Variants in TTC29 observed in about 807,000 individuals in gnomAD.
TTC29 encodes tetratricopeptide repeat protein 29.
TTC29 carries 49 observed loss-of-function variants against 58.1 expected under a neutral mutation model. The ratio of observed to expected loss-of-function variants is 0.84; its 90% CI spans 0.67 to 1.07. The LOEUF (loss-of-function observed/expected upper bound fraction) is 1.07, where lower values mean the gene tolerates loss of function less well. TTC29 is among the 50% of genes least tolerant of loss of function. TTC29 has a pLI of 0.00. For missense variants in TTC29, 582 were observed against 555.6 expected (o/e 1.05, Z -0.48); for synonymous variants, 209 against 196.8 (o/e 1.06, Z -0.52).
intron 7 of TTC29, among the ~76,000 whole-genome samples, chr4:146,873,471 T>C (rs1731066361): frequency 6.6e-6 from 1 of 152,196 alleles, no homozygotes; most frequent in South Asian, 2.1e-4. Flanking sequence ...CTTGACAGGC[T>C]CTGACTGTTG....
rs184426656 is a variant in TTC29, at chr4:146,742,987, A to G, written c.1331-35436T>C. ...GAAAAATCCTCAGATAGGACTTTTTAAAGCAAAAGCATCAGCTAACTTGTT... is the reference window on the plus strand; with the variant it reads ...GAAAAATCCTCAGATAGGACTTTTTGAAGCAAAAGCATCAGCTAACTTGTT... On this transcript the variant is annotated intron_variant, in intron 11 of 12. Transcript: ENST00000325106. 7.9e-5 allele frequency among the ~76,000 whole-genome samples: 12 copies of G among 152,252 alleles called. No homozygotes were observed. In the East Asian group the frequency reaches 2.3e-3, roughly 29 times the overall value.
intron 11 of TTC29, among the ~76,000 whole-genome samples, chr4:146,748,211 C>A (rs899514517): frequency 5.9e-5 from 9 of 152,216 alleles, no homozygotes; most frequent in Non-Finnish European, 1.3e-4. Context: ...TGGAGATACA[C>A]CAGTGCTGTG....
chr4:146,745,154 C>A (rs1297178841), intron 11 of TTC29, among the ~76,000 whole-genome samples: 3 of 152,144 alleles, frequency 2.0e-5, no homozygotes, highest in Admixed American at 1.3e-4. Context: ...AAGACAGTGG[C>A]AGATTTGAGA....
At chr4:146,901,392 T>C (rs1191703271) in intron 6 of TTC29, among the ~76,000 whole-genome samples, 1 of 152,216 alleles carries the variant, frequency 6.6e-6, no homozygotes, top group East Asian at 1.9e-4. Context: ...TTGTTTTATA[T>C]CTTATTTTTC....
At chr4:146,917,902 A>T (rs1734344206) in intron 4 of TTC29, among the ~76,000 whole-genome samples, 1 of 150,220 alleles carries the variant, frequency 6.7e-6, no homozygotes, top group Non-Finnish European at 1.5e-5. Flanking sequence ...TGAAAAAATT[A>T]AGCAATATAA....
chr4:146,709,353 C>T (rs1742318634), intron 11 of TTC29, among the ~76,000 whole-genome samples: 1 of 152,140 alleles, frequency 6.6e-6, no homozygotes, highest in Non-Finnish European at 1.5e-5. Flanking sequence ...CTGACCCCAG[C>T]AATTCTTCTA....
At chr4:146,737,334 C>T (rs1744780645) in intron 11 of TTC29, among the ~76,000 whole-genome samples, 1 of 152,106 alleles carries the variant, frequency 6.6e-6, no homozygotes, top group South Asian at 2.1e-4. Context: ...CTGAAATCAA[C>T]AAGCAGATAT....
intron 4 of TTC29, among the ~76,000 whole-genome samples, chr4:146,918,722 A>G (rs1734394135): frequency 6.6e-6 from 1 of 151,144 alleles, no homozygotes; most frequent in Non-Finnish European, 1.5e-5. Flanking sequence ...TATTTATTCA[A>G]GTGATTCCCA....
At chr4:146,720,801 C>A (rs1213075103) in intron 11 of TTC29, among the ~76,000 whole-genome samples, 1 of 152,040 alleles carries the variant, frequency 6.6e-6, no homozygotes. Flanking sequence ...CAGAATGATG[C>A]AAGTTTAAAA....
At chr4:146,721,630 AAGAC>A (rs1450766473) in intron 11 of TTC29, among the ~76,000 whole-genome samples, 7 of 152,170 alleles carry the variant, frequency 4.6e-5, no homozygotes, top group African/African-American at 2.4e-5. Context: ...TGTCTACTGA[AAGAC>A]AGACAGAGTG....
chr4:146,858,284 CAT>C (rs1436534172), intron 8 of TTC29, among the ~76,000 whole-genome samples: 5 of 152,188 alleles, frequency 3.3e-5, no homozygotes, highest in African/African-American at 7.2e-5. Flanking sequence ...GACTGAAATC[CAT>C]GTCTTCCAGC....
chr4:146,776,650 A>G (rs557155080), intron 11 of TTC29, among the ~76,000 whole-genome samples: 1 of 152,254 alleles, frequency 6.6e-6, no homozygotes, highest in South Asian at 2.1e-4. Context: ...TCTGCTGCCA[A>G]GGTGCTCCTG....
intron 11 of TTC29, among the ~76,000 whole-genome samples, chr4:146,749,793 G>A (rs1745842036): frequency 6.6e-6 from 1 of 152,016 alleles, no homozygotes; most frequent in Non-Finnish European, 1.5e-5. Context: ...AGCAGCAAGA[G>A]AAAAACATCA....
At chr4:146,891,617 C>A (rs2150249066) in intron 6 of TTC29, among the ~76,000 whole-genome samples, 1 of 152,254 alleles carries the variant, frequency 6.6e-6, no homozygotes, top group Non-Finnish European at 1.5e-5. Context: ...ATATTAGAAG[C>A]CCACAGACAT....
intron 11 of TTC29, among the ~76,000 whole-genome samples, chr4:146,756,704 T>A (rs1746475335): frequency 6.6e-6 from 1 of 151,914 alleles, no homozygotes; most frequent in South Asian, 2.1e-4. Flanking sequence ...CCAGACTTCT[T>A]GGAGTCTTTG....
intron 11 of TTC29, among the ~76,000 whole-genome samples, chr4:146,739,153 T>C (rs1334059676): frequency 1.3e-5 from 2 of 152,186 alleles, no homozygotes; most frequent in African/African-American, 4.8e-5. Context: ...GATAACTAGA[T>C]TATATAAACT....
At chr4:146,742,723 T>A (rs1483090668) in intron 11 of TTC29, among the ~76,000 whole-genome samples, 1 of 71,574 alleles carries the variant, frequency 1.4e-5, no homozygotes, top group Non-Finnish European at 2.6e-5. Flanking sequence ...TTCCCTCCCC[T>A]CCCTTCTGCT....
intron 9 of TTC29, among the ~76,000 whole-genome samples, chr4:146,831,437 A>G (rs777700501): frequency 2.6e-5 from 4 of 152,146 alleles, no homozygotes; most frequent in South Asian, 4.1e-4. Flanking sequence ...CTTGGCATAA[A>G]AGTAAAATGG....
intron 6 of TTC29, among the ~76,000 whole-genome samples, chr4:146,897,442 T>C (rs1322624561): frequency 6.6e-6 from 1 of 152,102 alleles, no homozygotes; most frequent in African/African-American, 2.4e-5. Flanking sequence ...CAAACTATGA[T>C]TGCCCATGTG....
Sources: allele counts gnomAD v4.1 joint callset (sites outside exome capture counted in the v4.1 genomes callset), GRCh38; gene constraint gnomAD v4.1.1; transcripts MANE v1.5; gene names NCBI Gene and HGNC (gene_info 2026-07-23, HGNC 2026-07-21).